RNPS1: variants seen among roughly 807,000 people sequenced by gnomAD.
RNPS1 encodes the protein RNA-binding protein with serine-rich domain 1.
For missense variants in RNPS1, 300 were observed against 427.6 expected (o/e 0.70, Z 2.63); for synonymous variants, 147 against 150.0 (o/e 0.98, Z 0.15).
intron 6 of RNPS1, chr16:2,257,557 T>C (rs2093584399): frequency 6.6e-6 from 1 of 151,950 alleles, no homozygotes; most frequent in Admixed American, 6.6e-5. Context: ...TACCAGAATC[T>C]TACGAAAAGT....
At chr16:2,257,262 T>A (rs2093583043) in intron 6 of RNPS1, 1 of 152,058 alleles carries the variant, frequency 6.6e-6, no homozygotes, top group South Asian at 2.1e-4. Context: ...TTCTGTGCCC[T>A]AAGGGGTAAA....
chr16:2,267,216 A>G, intron 1 of RNPS1: 2 of 985,400 alleles, frequency 2.0e-6, no homozygotes, highest in Non-Finnish European at 2.4e-6. Flanking sequence ...TACCTCCCCC[A>G]TCCTCCGGAA....
At chr16:2,261,626 A>G (rs1366603835) in intron 6 of RNPS1, among the ~76,000 whole-genome samples, 1 of 152,252 alleles carries the variant, frequency 6.6e-6, no homozygotes, top group Non-Finnish European at 1.5e-5. Context: ...TTAAATATTA[A>G]AAGCCAAGGC....
chr16:2,260,348 G>A (rs550689754), intron 6 of RNPS1, among the ~76,000 whole-genome samples: 49 of 152,090 alleles, frequency 3.2e-4, no homozygotes, highest in Non-Finnish European at 5.4e-4. Flanking sequence ...TAGAGACGGG[G>A]TTTCACGATG....
intron 6 of RNPS1, among the ~76,000 whole-genome samples, chr16:2,261,254 C>A (rs1442064765): frequency 1.3e-5 from 2 of 152,124 alleles, no homozygotes; most frequent in Non-Finnish European, 2.9e-5. Context: ...TTCCTCAAGC[C>A]CTGTAAACTG....
chr16:2,254,282 C>T (rs1325257933), intron 7 of RNPS1, among the ~76,000 whole-genome samples: 3 of 152,098 alleles, frequency 2.0e-5, no homozygotes, highest in South Asian at 2.1e-4. Flanking sequence ...ACTACAGGCG[C>T]GCGCCACCAC....
At chr16:2,267,035 A>T in intron 1 of RNPS1, 1 of 386,284 alleles carries the variant, frequency 2.6e-6, no homozygotes, top group Non-Finnish European at 3.5e-6. Flanking sequence ...AAGAACTAAG[A>T]TCTGCCCGAA....
At position 2,264,559 on chromosome 16, in the gene RNPS1, T is replaced by TA; in HGVS notation, c.71+13dup. 6.2e-7 allele frequency: 1 copy of TA among 1,612,694 alleles called. No homozygotes were observed. Among genetic ancestry groups the TA allele is most frequent in the African/African-American group, 1.3e-5 (1 of 74,962 alleles). ...CCCCCAAGTAGCACTAGAAAAATCT[T>TA]ACAGAAGGATTACCTAGTGCTGGAC... On this transcript the variant is annotated intron_variant, in intron 2 of 7. Transcript: ENST00000320225.
intron 4 of RNPS1, 92 bp downstream of exon 4, chr16:2,263,004 G>T: frequency 7.0e-7 from 1 of 1,423,342 alleles, no homozygotes; most frequent in Non-Finnish European, 9.7e-7. Context: ...TATTAACACA[G>T]AAAGACTCCT....
chr16:2,263,002 CAGAA>C, intron 4 of RNPS1, 90 bp downstream of exon 4: 13 of 1,418,602 alleles, frequency 9.2e-6, no homozygotes, highest in Non-Finnish European at 1.1e-5. Context: ...CCTATTAACA[CAGAA>C]AGACTCCTTT....
chr16:2,255,545 T>C, intron 7 of RNPS1, 40 bp downstream of exon 7: 1 of 1,540,450 alleles, frequency 6.5e-7, no homozygotes, highest in African/African-American at 1.4e-5. Flanking sequence ...CACATGAGGT[T>C]TGTGGCCTGA....
Position 2,264,344 on chromosome 16 carries a change from G to A in RNPS1, c.72-13C>T, listed in dbSNP as rs746041477. Reference sequence around the variant, plus strand: ...AGGTGAAGGAGCCCTGGATGGTGAGGAAGAGTGTGAGATTGCGTGCTCCTC... The same window carrying A: ...AGGTGAAGGAGCCCTGGATGGTGAGAAAGAGTGTGAGATTGCGTGCTCCTC... On this transcript the variant is annotated splice_polypyrimidine_tract_variant and intron_variant, in intron 2 of 7. Coordinates refer to ENST00000320225, the MANE Select transcript of RNPS1 (RefSeq NM_080594.4). 3 of 1,614,014 alleles carry A rather than the reference G, an allele frequency of 1.9e-6. No homozygotes were observed. The highest frequency in any genetic ancestry group is 1.3e-5 in the African/African-American group (1 of 74,914).
chr16:2,267,612 G>A (rs1196565801), intron 1 of RNPS1: 3 of 1,074,354 alleles, frequency 2.8e-6, no homozygotes, highest in Non-Finnish European at 3.4e-6. Context: ...CGCGCCCGCC[G>A]ACACCGGCCC....
chr16:2,259,123 CAAA>C (rs34193204), intron 6 of RNPS1, among the ~76,000 whole-genome samples: 2 of 113,698 alleles, frequency 1.8e-5, no homozygotes, highest in Admixed American at 9.2e-5. Flanking sequence ...AAAAAAGTCT[CAAA>C]AAAAAAAAAA....
Position 2,263,075 on chromosome 16 carries a change from TC to T in RNPS1, c.419+20del, listed in dbSNP as rs2093609797. ...TAGCCCCGAGCTTGTAAACTTTAGC[TC>T]CCAGGCGCAGGGCACTCACTTGGAG... On this transcript the variant is annotated intron_variant, in intron 4 of 7. Coordinates refer to ENST00000320225, the MANE Select transcript of RNPS1 (RefSeq NM_080594.4). The T allele has an allele frequency of 6.2e-7, 1 of 1,607,490 alleles. No homozygotes were observed. The highest frequency in any genetic ancestry group is 1.3e-5 in the African/African-American group (1 of 74,788).
At chr16:2,256,577 A>T (rs1262265432) in intron 6 of RNPS1, 3 of 152,340 alleles carry the variant, frequency 2.0e-5, no homozygotes, top group Non-Finnish European at 4.4e-5. Context: ...AAAGAAAAGT[A>T]AAGAATGTGC....
chr16:2,256,343 A>C (rs921531080), intron 6 of RNPS1: 2 of 153,638 alleles, frequency 1.3e-5, no homozygotes, highest in African/African-American at 4.8e-5. Context: ...GCGGATCACA[A>C]TGTCAGGAGT....
At position 2,268,073 on chromosome 16, in the gene RNPS1, C is replaced by A; in HGVS notation, c.-136G>T. Reference sequence around the variant, plus strand: ...AACTTACATCTTCCCGCCGCCGCCACCTCCTCCTGCTTTCCTCAGCCGCCG... The same window carrying A: ...AACTTACATCTTCCCGCCGCCGCCAACTCCTCCTGCTTTCCTCAGCCGCCG... On this transcript the variant is annotated 5_prime_UTR_variant, in exon 1 of 8. Transcript: ENST00000320225. The A allele has an allele frequency of 1.3e-6, 2 of 1,535,352 alleles. No homozygotes were observed. Among genetic ancestry groups the A allele is most frequent in the Non-Finnish European group, 1.7e-6 (2 of 1,146,638 alleles).
In RNPS1 at chr16:2,254,855, C is replaced by A. The variant is rs1596796556; in HGVS notation, c.818+730G>T. ...CTCCCGGGTTCACGCCATTCTCCTGCCTCAGCCTCCCGAGTAGCTGGGACT... is the reference window on the plus strand; with the variant it reads ...CTCCCGGGTTCACGCCATTCTCCTGACTCAGCCTCCCGAGTAGCTGGGACT... On this transcript the variant is annotated intron_variant, in intron 7 of 7. Coordinates refer to ENST00000320225, the MANE Select transcript of RNPS1 (RefSeq NM_080594.4). Among the ~76,000 whole-genome samples, 5 of 151,650 alleles carry A rather than the reference C, an allele frequency of 3.3e-5. 1 individual carries two copies. The Middle Eastern group carries it at 0.017, about 516-fold the overall frequency.
Sources: allele counts gnomAD v4.1 joint callset (sites outside exome capture counted in the v4.1 genomes callset), GRCh38; gene constraint gnomAD v4.1.1; transcripts MANE v1.5; gene names NCBI Gene and HGNC (gene_info 2026-07-23, HGNC 2026-07-21).